The following HERC2 variants were observed in gnomAD, a reference collection of about 807,000 sequenced individuals.
The protein encoded by HERC2 is HECT and RLD domain containing E3 ubiquitin protein ligase 2.
Under a neutral mutation model 537.7 loss-of-function variants are expected in HERC2, and 102 were observed. The observed-to-expected ratio is 0.19, with a 90% CI of 0.16 to 0.22. The LOEUF is 0.22. Ranked by LOEUF, HERC2 falls within the 10% of genes least tolerant of loss-of-function variation. The probability of loss-of-function intolerance (pLI) is 1.00; values close to 1 mark genes in which losing one functional copy is unlikely to be tolerated. For missense variants in HERC2, 4,236 were observed against 6,198.2 expected (o/e 0.68, Z 10.63); for synonymous variants, 2,224 against 2,466.2 (o/e 0.90, Z 2.91).
intron 83 of HERC2, among the ~76,000 whole-genome samples, chr15:28,129,545 G>C (rs1352125429): frequency 6.6e-6 from 1 of 152,198 alleles, no homozygotes; most frequent in Non-Finnish European, 1.5e-5. Flanking sequence ...ACCACCTAGG[G>C]AACAGGGGAT....
At chr15:28,307,793 C>T (rs1229891382) in intron 2 of HERC2, among the ~76,000 whole-genome samples, 1 of 152,192 alleles carries the variant, frequency 6.6e-6, no homozygotes, top group Non-Finnish European at 1.5e-5. Flanking sequence ...TTCCCAGCAC[C>T]ATTTATTGAA....
At chr15:28,317,088 G>T (rs1262408296) in intron 2 of HERC2, among the ~76,000 whole-genome samples, 1 of 151,388 alleles carries the variant, frequency 6.6e-6, no homozygotes, top group East Asian at 1.9e-4. Context: ...TTCTAAGCAT[G>T]AAGTGACAAT....
intron 55 of HERC2, 36 bp downstream of exon 55, chr15:28,190,929 A>C (rs1385303268): frequency 1.4e-6 from 2 of 1,407,214 alleles, no homozygotes; most frequent in Non-Finnish European, 2.0e-6. Context: ...TGTCATCTGT[A>C]AATCATCCAA....
At chr15:28,175,969 T>C (rs973732746) in intron 63 of HERC2, among the ~76,000 whole-genome samples, 1 of 152,204 alleles carries the variant, frequency 6.6e-6, no homozygotes, top group Non-Finnish European at 1.5e-5. Context: ...CTGGTATACA[T>C]CTTTCTCAAG....
chr15:28,118,114 T>C, intron 86 of HERC2: 2 of 168,382 alleles, frequency 1.2e-5, no homozygotes, highest in Admixed American at 5.4e-5. Context: ...TAGAATGAAC[T>C]TGTCTGCGTG....
chr15:28,283,276 C>T (rs1214357597), intron 4 of HERC2, among the ~76,000 whole-genome samples: 1 of 151,962 alleles, frequency 6.6e-6, no homozygotes, highest in Non-Finnish European at 1.5e-5. Context: ...AATCAAACTC[C>T]AAAAAACAAA....
chr15:28,235,499 C>T (rs140526067), intron 26 of HERC2, among the ~76,000 whole-genome samples: 2,791 of 152,264 alleles, frequency 0.018, 80 homozygotes, highest in African/African-American at 0.064. Flanking sequence ...GTCCACCCAA[C>T]GGGGGGCTGT....
intron 88 of HERC2, 56 bp from the exon 89 acceptor site, chr15:28,115,597 C>CGG: frequency 7.6e-7 from 1 of 1,314,916 alleles, no homozygotes; most frequent in Non-Finnish European, 1.1e-6. Flanking sequence ...ACAAAACTTC[C>CGG]CGCTCACTCA....
At chr15:28,243,750 G>A (rs1362204563) in intron 23 of HERC2, among the ~76,000 whole-genome samples, 1 of 152,162 alleles carries the variant, frequency 6.6e-6, no homozygotes, top group African/African-American at 2.4e-5. Context: ...CATGGAAGTG[G>A]AACACTGAGA....
rs567197282 is a variant in HERC2, at chr15:28,206,752, G to C, written c.7070-370C>G. 3.5e-5 allele frequency among the ~76,000 whole-genome samples: 5 copies of C among 142,210 alleles called. No homozygotes were observed. In the East Asian group the frequency reaches 1.1e-3, roughly 31 times the overall value. 93.3% of individuals were successfully genotyped at this position (142,210 alleles called of 152,430 possible). Reference sequence around the variant, plus strand: ...GGAGGCTGACACAGGAGAATGGCATGAACCTGGGAGGCGGAGCTTGCAGTG... The same window carrying C: ...GGAGGCTGACACAGGAGAATGGCATCAACCTGGGAGGCGGAGCTTGCAGTG... On this transcript the variant is annotated intron_variant, in intron 44 of 92. Transcript: ENST00000261609.
chr15:28,153,901 C>T lies in HERC2; in HGVS notation c.10747-1071G>A, dbSNP rs554493744. Among the ~76,000 whole-genome samples, 30 of 152,264 alleles carry T rather than the reference C, an allele frequency of 2.0e-4. 1 individual carries two copies. Among genetic ancestry groups the T allele is most frequent in the African/African-American group, 6.7e-4 (28 of 41,554 alleles). On this transcript the variant is annotated intron_variant, in intron 69 of 92. Coordinates refer to ENST00000261609, the MANE Select transcript of HERC2 (RefSeq NM_004667.6). ...GGGAGGGGCGGGAATCAGGAACCATCAAGCCGCTCAGGCCAGACAGAGACA... is the reference window on the plus strand; with the variant it reads ...GGGAGGGGCGGGAATCAGGAACCATTAAGCCGCTCAGGCCAGACAGAGACA...
At chr15:28,182,546 GA>G in intron 56 of HERC2, 34 bp from the exon 57 acceptor site, 1 of 1,475,444 alleles carries the variant, frequency 6.8e-7, no homozygotes, top group Non-Finnish European at 9.4e-7. Context: ...AAAAAGAAAA[GA>G]GAGGTTATTC....
At chr15:28,275,055 A>G in intron 5 of HERC2, 50 bp from the exon 6 acceptor site, 1 of 1,169,922 alleles carries the variant, frequency 8.5e-7, no homozygotes, top group Non-Finnish European at 1.3e-6. Context: ...CAGAGGGTGC[A>G]GATACTACAT....
chr15:28,115,550 T>C lies in HERC2; in HGVS notation c.13610-9A>G. Reference sequence around the variant, plus strand: ...AATGCCCAGCAACACACCTGATCATTCAGGACACAAGTGACAGAGGACACT... The same window carrying C: ...AATGCCCAGCAACACACCTGATCATCCAGGACACAAGTGACAGAGGACACT... On this transcript the variant is annotated splice_polypyrimidine_tract_variant and intron_variant, in intron 88 of 92. Transcript: ENST00000261609. 1 of 1,605,158 alleles carries C rather than the reference T, an allele frequency of 6.2e-7. No individual in the cohort carries two copies. Among genetic ancestry groups the C allele is most frequent in the South Asian group, 1.1e-5 (1 of 90,846 alleles).
At chr15:28,245,272 C>T (rs1460221027) in intron 23 of HERC2, among the ~76,000 whole-genome samples, 2 of 152,158 alleles carry the variant, frequency 1.3e-5, no homozygotes, top group South Asian at 2.1e-4. Flanking sequence ...TATAGCCGGG[C>T]GCAGTGGCTC....
chr15:28,134,148 CA>C (rs1308576794), intron 79 of HERC2, among the ~76,000 whole-genome samples: 1 of 152,192 alleles, frequency 6.6e-6, no homozygotes, highest in East Asian at 1.9e-4. Context: ...ATTATCTCAG[CA>C]ATACTTTGTA....
intron 55 of HERC2, among the ~76,000 whole-genome samples, chr15:28,190,007 C>CT (rs1896680480): frequency 7.3e-6 from 1 of 136,404 alleles, no homozygotes; most frequent in Non-Finnish European, 1.5e-5. Flanking sequence ...TTTTTTCTTT[C>CT]TTTCTTTTTT....
rs1183958298 is a variant in HERC2, at chr15:28,313,982, C to T, written c.72+7380G>A. 5.3e-5 allele frequency among the ~76,000 whole-genome samples: 8 copies of T among 152,288 alleles called. No individual in the cohort carries two copies. In the South Asian group the frequency reaches 1.5e-3, roughly 28 times the overall value. ...TGAGCTGGAACCTCAAAGGGCCACA[C>T]ACCAGAAATACAGGTGAGTTAGAAG... On this transcript the variant is annotated intron_variant, in intron 2 of 92. Transcript: ENST00000261609.
chr15:28,113,717 G>A lies in HERC2; in HGVS notation c.13914-39C>T. 1 of 1,529,672 alleles carries A rather than the reference G, an allele frequency of 6.5e-7. No individual in the cohort carries two copies. Among genetic ancestry groups the A allele is most frequent in the Non-Finnish European group, 9.0e-7 (1 of 1,105,708 alleles). 94.8% of individuals were successfully genotyped at this position (1,529,672 alleles called of 1,614,324 possible). On this transcript the variant is annotated intron_variant, in intron 90 of 92. Transcript: ENST00000261609. This position sits in a 1 kb window ranked among gnomAD's most constrained non-coding sequence, Gnocchi z 7.0. ...CTCACTTTACACTTCTGTCTTCAGT[G>A]ACACTGACTTTATGCTGCTCACACC...
Sources: allele counts gnomAD v4.1 joint callset (sites outside exome capture counted in the v4.1 genomes callset), GRCh38; gene constraint gnomAD v4.1.1; non-coding constraint Gnocchi (gnomAD v3.1); transcripts MANE v1.5; gene names NCBI Gene and HGNC (gene_info 2026-07-23, HGNC 2026-07-21).